The following APBA2 variants were observed in gnomAD, a reference collection of about 807,000 sequenced individuals.
APBA2 encodes the protein amyloid-beta A4 precursor protein-binding family A member 2.
A neutral mutation model predicts 75.0 loss-of-function variants in APBA2; 30 were observed. That is an observed-to-expected ratio of 0.40 (90% CI 0.30 to 0.54). APBA2 has a LOEUF of 0.54. Among genes scored for constraint, APBA2 ranks in the 20% least tolerant of loss-of-function variants. APBA2 has a pLI of 0.49. For synonymous variants in APBA2, 444 were observed against 409.6 expected (o/e 1.08, Z -1.01); for missense variants, 801 against 1,016.1 (o/e 0.79, Z 2.88).
intron 6 of APBA2, among the ~76,000 whole-genome samples, chr15:29,086,069 TG>T (rs2043279913): frequency 6.6e-6 from 1 of 152,192 alleles, no homozygotes; most frequent in Non-Finnish European, 1.5e-5. Flanking sequence ...TACAAAGAGA[TG>T]TGGCTTCTGT....
intron 3 of APBA2, among the ~76,000 whole-genome samples, chr15:29,037,630 T>C (rs2040815250): frequency 6.6e-6 from 1 of 152,146 alleles, no homozygotes; most frequent in African/African-American, 2.4e-5. Context: ...CTGGGACCCT[T>C]GACTCTCCTT....
intron 2 of APBA2, among the ~76,000 whole-genome samples, chr15:28,944,850 C>T (rs74841754): frequency 0.12 from 18,792 of 152,206 alleles, 2,314 homozygotes; most frequent in East Asian, 0.32. Flanking sequence ...ACTGCAGCCC[C>T]GCCATGCTGC....
At chr15:29,115,327 T>C (rs1327129089) in intron 14 of APBA2, among the ~76,000 whole-genome samples, 2 of 152,000 alleles carry the variant, frequency 1.3e-5, no homozygotes, top group Non-Finnish European at 2.9e-5. Context: ...GGGACACTGG[T>C]ATTTTGTGCA....
rs140473917 is a variant in APBA2 at position 29,090,480 on chromosome 15, G to A, written c.1070-2595G>A. Among the ~76,000 whole-genome samples, 71 of 152,358 alleles carry A rather than the reference G, an allele frequency of 4.7e-4. No homozygotes were observed. The East Asian group carries it at 0.013, about 29-fold the overall frequency. ...GGCCACCCTGGGGGCTGGCGAGGGA[G>A]AAGCCAAGGGGCAGTGCCTAGAAAG... On this transcript the variant is annotated intron_variant, in intron 6 of 14. Transcript: ENST00000683413.
chr15:28,915,247 A>T (rs2033632796), intron 1 of APBA2, among the ~76,000 whole-genome samples: 8 of 149,596 alleles, frequency 5.3e-5, no homozygotes, highest in East Asian at 3.9e-4. Flanking sequence ...CATATATACC[A>T]CACACCACAC....
chr15:28,936,077 G>T (rs1347590010), intron 2 of APBA2, among the ~76,000 whole-genome samples: 1 of 152,144 alleles, frequency 6.6e-6, no homozygotes, highest in Non-Finnish European at 1.5e-5. Context: ...CTCCTGAGAG[G>T]TTTTCCAATC....
intron 2 of APBA2, among the ~76,000 whole-genome samples, chr15:28,989,561 C>T (rs1031593547): frequency 6.6e-6 from 1 of 152,224 alleles, no homozygotes; most frequent in South Asian, 2.1e-4. Flanking sequence ...CTCTGGCTCC[C>T]GGTCTCCTGG....
chr15:29,044,724 G>T (rs1487838222), intron 3 of APBA2, among the ~76,000 whole-genome samples: 4 of 152,106 alleles, frequency 2.6e-5, no homozygotes, highest in Non-Finnish European at 4.4e-5. Context: ...ATATTCTGAG[G>T]GAAACAGAAT....
chr15:29,027,410 T>G (rs2040274704), intron 3 of APBA2, among the ~76,000 whole-genome samples: 1 of 152,164 alleles, frequency 6.6e-6, no homozygotes, highest in South Asian at 2.1e-4. Flanking sequence ...ATTTGCAAAT[T>G]CATTGGCATA....
At chr15:29,033,964 CAAAAAAAA>C (rs34808408) in intron 3 of APBA2, among the ~76,000 whole-genome samples, 3 of 39,556 alleles carry the variant, frequency 7.6e-5, no homozygotes, top group Admixed American at 6.2e-4. Context: ...GACTCCATCT[CAAAAAAAA>C]AAAAAAAAAA....
intron 9 of APBA2, among the ~76,000 whole-genome samples, chr15:29,099,895 G>A (rs2044032943): frequency 6.6e-6 from 1 of 152,220 alleles, no homozygotes; most frequent in Non-Finnish European, 1.5e-5. Flanking sequence ...TCTTCCGCTG[G>A]ATCCTGTGAA....
chr15:29,013,970 A>G (rs1428149582), intron 3 of APBA2, among the ~76,000 whole-genome samples: 1 of 152,212 alleles, frequency 6.6e-6, no homozygotes, highest in African/African-American at 2.4e-5. Flanking sequence ...TGCTTTTGCT[A>G]AACTTTACTG....
chr15:29,111,860 C>G (rs1317106313), intron 13 of APBA2, among the ~76,000 whole-genome samples: 1 of 152,178 alleles, frequency 6.6e-6, no homozygotes, highest in East Asian at 1.9e-4. Context: ...AGCAATGAGC[C>G]TGGGATAACA....
rs114756006 is a variant in APBA2, at chr15:29,056,423, C to T, written c.951+1588C>T. Among the ~76,000 whole-genome samples the T allele has an allele frequency of 7.9e-3, 1,209 of 152,232 alleles. 15 individuals carry two copies. Among genetic ancestry groups the T allele is most frequent in the African/African-American group, 0.028 (1,161 of 41,510 alleles). On this transcript the variant is annotated intron_variant, in intron 4 of 14. Coordinates refer to ENST00000683413, the MANE Select transcript of APBA2 (RefSeq NM_001353788.2). The stretch of plus-strand genomic sequence containing the variant: ...AATGAAAAAGTATGTCACTTCTCCC[C>T]CTAAGGAGAATGTGTCCTTGAAGGA...
intron 3 of APBA2, among the ~76,000 whole-genome samples, 172 bp from the exon 4 acceptor site, chr15:29,053,673 G>A (rs191947659): frequency 4.6e-5 from 7 of 152,010 alleles, no homozygotes; most frequent in African/African-American, 9.7e-5. Flanking sequence ...GTGTGGATGC[G>A]TGTTGTTCTG....
At chr15:29,102,261 G>A (rs1178774137) in intron 10 of APBA2, 1 of 230,506 alleles carries the variant, frequency 4.3e-6, no homozygotes, top group Non-Finnish European at 8.6e-6. Flanking sequence ...AAGATCACAA[G>A]CCCTTTGGCT....
Position 29,105,492 on chromosome 15 carries a change from C to A in APBA2, c.1638C>A (p.Ile546=). Residue 546 remains isoleucine (I), a synonymous_variant, in exon 11 of 15, where the codon ATC becomes ATA. Coordinates refer to ENST00000683413, the MANE Select transcript of APBA2 (RefSeq NM_001353788.2). The part of the protein sequence containing the change: ...EDLSQKEYSD[I]INTQEMYNDD... ...TGAGCCAGAAGGAATACAGCGACAT[C>A]ATCAACACCCAGGAGATGTACAACG... The A allele has an allele frequency of 6.2e-7, 1 of 1,613,966 alleles. No individual in the cohort carries two copies. Among genetic ancestry groups the A allele is most frequent in the Middle Eastern group, 1.6e-4 (1 of 6,062 alleles).
At chr15:29,113,796 T>G (rs1286855627) in intron 13 of APBA2, 80 bp from the exon 14 acceptor site, 2 of 1,574,684 alleles carry the variant, frequency 1.3e-6, no homozygotes, top group Non-Finnish European at 1.7e-6. Flanking sequence ...TCCCTCTGCA[T>G]GTCCCATCTT....
chr15:28,924,969 G>A lies in APBA2; in HGVS notation c.-95+3220G>A, dbSNP rs2034181848. On this transcript the variant is annotated intron_variant, in intron 2 of 14. Transcript: ENST00000683413. ...TTGTTTCATGATGGCCAGTCTATGGGTGGGAAGTGGGGTCTGACTGTTTAT... is the reference window on the plus strand; with the variant it reads ...TTGTTTCATGATGGCCAGTCTATGGATGGGAAGTGGGGTCTGACTGTTTAT... Among the ~76,000 whole-genome samples, 8 of 152,228 alleles carry A rather than the reference G, an allele frequency of 5.3e-5. No homozygotes were observed. In the South Asian group the frequency reaches 1.2e-3, roughly 24 times the overall value.
Sources: allele counts gnomAD v4.1 joint callset (sites outside exome capture counted in the v4.1 genomes callset), GRCh38; gene constraint gnomAD v4.1.1; transcripts MANE v1.5; gene names NCBI Gene and HGNC (gene_info 2026-07-23, HGNC 2026-07-21).